Variants in CASK observed in about 807,000 individuals in gnomAD.
CASK encodes the protein peripheral plasma membrane protein CASK.
Under a neutral mutation model 82.9 loss-of-function variants are expected in CASK, and 4 were observed. The observed-to-expected ratio is 0.05, with a 90% confidence interval of 0.02 to 0.11. The LOEUF (loss-of-function observed/expected upper bound fraction) is 0.11. Among genes scored for constraint, CASK ranks in the 10% least tolerant of loss-of-function variants. CASK has a pLI of 1.00. For missense variants in CASK, 358 were observed against 720.9 expected (o/e 0.50, Z 5.76); for synonymous variants, 259 against 253.5 (o/e 1.02, Z -0.20).
chrX:41,853,315 TATAG>T (rs2071301418), intron 1 of CASK, 88 bp from the exon 2 acceptor site: 1 of 547,200 alleles, frequency 1.8e-6, no homozygotes, highest in Non-Finnish European at 3.1e-6. Context: ...ATCTATATAA[TATAG>T]ATAATGTTTG....
At chrX:41,682,579 A>C (rs1317474431) in intron 5 of CASK, among the ~76,000 whole-genome samples, 1 of 103,465 alleles carries the variant, frequency 9.7e-6, no homozygotes, top group Non-Finnish European at 2.0e-5. Context: ...AAAGCTGGAG[A>C]ATGCAATGGT....
At chrX:41,597,326 C>G (rs1461408133) in intron 12 of CASK, among the ~76,000 whole-genome samples, 1 of 112,291 alleles carries the variant, frequency 8.9e-6, no homozygotes, top group Non-Finnish European at 1.9e-5. Flanking sequence ...TGTAGGGTTG[C>G]AAAGAACATT....
chrX:41,629,011 G>A (rs181668922), intron 9 of CASK, among the ~76,000 whole-genome samples: 166 of 111,953 alleles, frequency 1.5e-3, no homozygotes, highest in African/African-American at 5.0e-3. Flanking sequence ...TATTGTCAAA[G>A]ATCTGTAATA....
intron 5 of CASK, among the ~76,000 whole-genome samples, chrX:41,701,434 C>A (rs2067791095): frequency 8.9e-6 from 1 of 112,369 alleles, no homozygotes; most frequent in African/African-American, 3.2e-5. Context: ...TTATTTCAGC[C>A]ACCAACAAAC....
chrX:41,659,836 C>T (rs1181852531), intron 8 of CASK, among the ~76,000 whole-genome samples: 3 of 109,377 alleles, frequency 2.7e-5, no homozygotes, highest in Non-Finnish European at 5.7e-5. Flanking sequence ...CCCATCTCTA[C>T]AAAAAATACA....
chrX:41,763,414 C>A, intron 3 of CASK, among the ~76,000 whole-genome samples: 1 of 111,394 alleles, frequency 9.0e-6, no homozygotes. Flanking sequence ...GTAATCCCAG[C>A]ACTTTGGGAG....
intron 10 of CASK, among the ~76,000 whole-genome samples, chrX:41,623,476 G>A (rs1038381149): frequency 1.8e-5 from 2 of 111,684 alleles, no homozygotes; most frequent in Admixed American, 9.5e-5. Flanking sequence ...AGGCTGGAGT[G>A]CAGTGGCACG....
intron 22 of CASK, among the ~76,000 whole-genome samples, chrX:41,536,091 A>T (rs901321097): frequency 9.0e-5 from 10 of 111,470 alleles, no homozygotes; most frequent in African/African-American, 2.9e-4. Context: ...ATGATGTAAT[A>T]AAGGAATCTG....
At chrX:41,783,018 G>A (rs1175223864) in intron 3 of CASK, among the ~76,000 whole-genome samples, 7 of 110,242 alleles carry the variant, frequency 6.3e-5, no homozygotes. Flanking sequence ...GGTGGCATGC[G>A]CCTGTAGTCC....
chrX:41,536,653 G>A (rs1298218865), intron 22 of CASK, among the ~76,000 whole-genome samples: 1 of 112,030 alleles, frequency 8.9e-6, no homozygotes, highest in Admixed American at 9.5e-5. Flanking sequence ...TATATTAATG[G>A]GTTTTTGCAC....
At position 41,834,673 on chromosome X, in the gene CASK, C is replaced by T. The variant is rs1436888526; in HGVS notation, c.172+18442G>A. 9.9e-5 allele frequency among the ~76,000 whole-genome samples: 11 copies of T among 111,391 alleles called. No homozygotes were observed. In the East Asian group the frequency reaches 3.1e-3, roughly 31 times the overall value. On this transcript the variant is annotated intron_variant, in intron 2 of 26. Transcript: ENST00000378163. ...GGTGAGAGTGTTCTATTAAAATAGA[C>T]CCCACTCCCTATTGCAATAGTTTCT...
intron 22 of CASK, among the ~76,000 whole-genome samples, chrX:41,541,465 C>T (rs2064944965): frequency 1.8e-5 from 2 of 112,174 alleles, no homozygotes; most frequent in African/African-American, 3.2e-5. Context: ...ACCAAAAAAG[C>T]CATTATGAAA....
intron 3 of CASK, among the ~76,000 whole-genome samples, chrX:41,778,065 G>T (rs887523271): frequency 3.6e-5 from 4 of 111,512 alleles, no homozygotes; most frequent in African/African-American, 1.3e-4. Flanking sequence ...ATATTTAATG[G>T]TATAGCAAAA....
rs139228084 is a variant in CASK at position 41,839,101 on chromosome X, T to C, written c.172+14014A>G. On this transcript the variant is annotated intron_variant, in intron 2 of 26. Transcript: ENST00000378163. ...TAGAATGATTCCTCCCACTTTATCATAGTTTTTCAAAATTGTTTTAGCTAT... is the reference window on the plus strand; with the variant it reads ...TAGAATGATTCCTCCCACTTTATCACAGTTTTTCAAAATTGTTTTAGCTAT... Among the ~76,000 whole-genome samples the C allele has an allele frequency of 6.7e-3, 744 of 111,876 alleles. 5 individuals are homozygous for C. Among genetic ancestry groups the C allele is most frequent in the Middle Eastern group, 9.2e-3 (2 of 217 alleles).
chrX:41,810,938 T>G (rs1334254791), intron 2 of CASK, among the ~76,000 whole-genome samples: 2 of 110,461 alleles, frequency 1.8e-5, no homozygotes, highest in Non-Finnish European at 3.8e-5. Flanking sequence ...AATCCTAGTC[T>G]CTGATAAAAC....
chrX:41,860,549 TTG>T (rs1328059375), intron 1 of CASK, among the ~76,000 whole-genome samples: 1 of 112,147 alleles, frequency 8.9e-6, no homozygotes, highest in African/African-American at 3.2e-5. Context: ...TTCCTGTGCT[TTG>T]TGATAGCTTT....
chrX:41,794,289 A>G (rs778265170), intron 2 of CASK, among the ~76,000 whole-genome samples: 3 of 112,594 alleles, frequency 2.7e-5, no homozygotes, highest in Non-Finnish European at 5.6e-5. Flanking sequence ...GCAAATGTGT[A>G]TTAATTAGAA....
intron 3 of CASK, among the ~76,000 whole-genome samples, chrX:41,779,855 T>A (rs2069440981): frequency 9.1e-6 from 1 of 109,523 alleles, no homozygotes. Context: ...CAAAAAAAAA[T>A]AATAATAAAA....
chrX:41,861,714 C>T (rs767766592), intron 1 of CASK, among the ~76,000 whole-genome samples: 4 of 96,833 alleles, frequency 4.1e-5, no homozygotes, highest in Non-Finnish European at 6.1e-5. Flanking sequence ...TATGTGTGTG[C>T]GTGTATATAT....
Sources: gnomAD v4.1 joint callset for allele counts (sites outside exome capture counted in the v4.1 genomes callset) on GRCh38, gnomAD v4.1.1 for gene constraint, MANE v1.5 for transcripts, NCBI Gene and HGNC (gene_info 2026-07-23, HGNC 2026-07-21) for gene names.